The following SEMA3E variants were observed in gnomAD, a reference collection of about 807,000 sequenced individuals.
The protein encoded by SEMA3E is semaphorin 3E, also known as semaphorin-3E.
In SEMA3E, 49 loss-of-function variants were observed where a neutral mutation model predicts 93.6. The ratio of observed to expected loss-of-function variants is 0.52; its 90% CI spans 0.42 to 0.66. The LOEUF is 0.66. Among genes scored for constraint, SEMA3E ranks in the 30% least tolerant of loss-of-function variants. SEMA3E has a pLI of 0.00. For synonymous variants in SEMA3E, 363 were observed against 330.7 expected (o/e 1.10, Z -1.06); for missense variants, 906 against 964.8 (o/e 0.94, Z 0.81).
intron 1 of SEMA3E, among the ~76,000 whole-genome samples, chr7:83,632,962 C>G (rs908182008): frequency 2.0e-5 from 3 of 152,086 alleles, no homozygotes; most frequent in Non-Finnish European, 4.4e-5. Flanking sequence ...GGGCAGTAGT[C>G]ACTAAAATTC....
intron 2 of SEMA3E, among the ~76,000 whole-genome samples, chr7:83,487,682 C>CGTGTGTGTGTGTGTGT (rs71074667): frequency 1.2e-4 from 17 of 144,538 alleles, no homozygotes; most frequent in East Asian, 6.3e-4. Context: ...GGCAGGAGGT[C>CGTGTGTGTGTGTGTGT]GTGTGTGTGT....
chr7:83,455,432 T>C (rs183132285), intron 4 of SEMA3E, among the ~76,000 whole-genome samples: 1 of 152,344 alleles, frequency 6.6e-6, no homozygotes, highest in East Asian at 1.9e-4. Context: ...TCTGGGCCTA[T>C]GCCTTGCCTC....
intron 1 of SEMA3E, among the ~76,000 whole-genome samples, chr7:83,579,009 A>G (rs1365655014): frequency 6.6e-6 from 1 of 152,254 alleles, no homozygotes; most frequent in East Asian, 1.9e-4. Context: ...TCGATATTAT[A>G]GTATTTAATA....
intron 2 of SEMA3E, among the ~76,000 whole-genome samples, chr7:83,479,035 C>T (rs1259130401): frequency 6.6e-6 from 1 of 152,206 alleles, no homozygotes; most frequent in Non-Finnish European, 1.5e-5. Flanking sequence ...CCTGCATTGC[C>T]TAGAAGATTC....
intron 1 of SEMA3E, among the ~76,000 whole-genome samples, chr7:83,622,862 G>C (rs536159030): frequency 6.7e-6 from 1 of 150,020 alleles, no homozygotes. Flanking sequence ...GCATCAGGAA[G>C]AACAACTAAT....
chr7:83,523,162 C>A (rs1791083660), intron 1 of SEMA3E, among the ~76,000 whole-genome samples: 1 of 152,052 alleles, frequency 6.6e-6, no homozygotes, highest in Admixed American at 6.6e-5. Context: ...AGTGCAGGCA[C>A]ACACTATGCA....
chr7:83,644,226 C>T (rs920681449), intron 1 of SEMA3E, among the ~76,000 whole-genome samples: 1 of 151,278 alleles, frequency 6.6e-6, no homozygotes, highest in Non-Finnish European at 1.5e-5. Flanking sequence ...GGCCATGAAT[C>T]TTGGAAAATT....
chr7:83,386,264 G>T (rs1470119975), intron 15 of SEMA3E, among the ~76,000 whole-genome samples: 1 of 152,030 alleles, frequency 6.6e-6, no homozygotes, highest in Admixed American at 6.6e-5. Context: ...TGATGCTGGA[G>T]CACAGTCTCT....
chr7:83,519,581 T>G (rs1009414566), intron 1 of SEMA3E, among the ~76,000 whole-genome samples: 1 of 152,128 alleles, frequency 6.6e-6, no homozygotes, highest in Non-Finnish European at 1.5e-5. Context: ...CCTTCAAGAT[T>G]CATACCAAAC....
chr7:83,461,065 C>G (rs1474142859), intron 4 of SEMA3E, among the ~76,000 whole-genome samples: 1 of 152,110 alleles, frequency 6.6e-6, no homozygotes, highest in African/African-American at 2.4e-5. Context: ...ACAAACTGGA[C>G]AGTAGTTCCA....
At chr7:83,440,532 T>C (rs1562783793) in intron 4 of SEMA3E, among the ~76,000 whole-genome samples, 1 of 152,202 alleles carries the variant, frequency 6.6e-6, no homozygotes, top group East Asian at 1.9e-4. Context: ...ATTCAGAGAT[T>C]TTCAGAAACT....
intron 1 of SEMA3E, among the ~76,000 whole-genome samples, chr7:83,645,691 C>T (rs1246916435): frequency 6.7e-6 from 1 of 150,170 alleles, no homozygotes; most frequent in Non-Finnish European, 1.5e-5. Context: ...ATATTCCACA[C>T]CTCTTACTAC....
intron 2 of SEMA3E, among the ~76,000 whole-genome samples, chr7:83,477,919 A>C (rs186640242): frequency 8.4e-6 from 1 of 119,142 alleles, no homozygotes; most frequent in East Asian, 2.2e-4. Context: ...AAGTAATGTA[A>C]TTTTGGCTTT....
chr7:83,391,321 T>A (rs1370141831), intron 14 of SEMA3E, among the ~76,000 whole-genome samples: 2 of 152,140 alleles, frequency 1.3e-5, no homozygotes. Context: ...TTATCTACAA[T>A]TCCATTCTTC....
intron 2 of SEMA3E, among the ~76,000 whole-genome samples, chr7:83,488,855 G>T (rs927262506): frequency 6.6e-6 from 1 of 152,012 alleles, no homozygotes; most frequent in African/African-American, 2.4e-5. Flanking sequence ...ACATTGAGAG[G>T]AGTATAAAAA....
intron 1 of SEMA3E, among the ~76,000 whole-genome samples, chr7:83,610,413 A>G (rs1793226801): frequency 6.6e-6 from 1 of 152,092 alleles, no homozygotes; most frequent in East Asian, 1.9e-4. Context: ...TTTAATTCAT[A>G]TAGTTATTAA....
intron 2 of SEMA3E, among the ~76,000 whole-genome samples, chr7:83,487,692 T>TGA (rs1790294700): frequency 6.6e-6 from 1 of 150,578 alleles, no homozygotes; most frequent in African/African-American, 2.4e-5. Flanking sequence ...CGTGTGTGTG[T>TGA]GTGTGTGTGT....
chr7:83,384,843 T>C (rs1366701489), intron 16 of SEMA3E, among the ~76,000 whole-genome samples: 1 of 152,078 alleles, frequency 6.6e-6, no homozygotes, highest in Non-Finnish European at 1.5e-5. Flanking sequence ...TACAATGAGC[T>C]TAATGTTGTA....
intron 1 of SEMA3E, among the ~76,000 whole-genome samples, chr7:83,589,684 A>C (rs1792713667): frequency 6.6e-6 from 1 of 152,186 alleles, no homozygotes; most frequent in African/African-American, 2.4e-5. Flanking sequence ...TATGTAACTA[A>C]TATCAAAACT....
Sources: allele counts gnomAD v4.1 joint callset (sites outside exome capture counted in the v4.1 genomes callset), GRCh38; gene constraint gnomAD v4.1.1; transcripts MANE v1.5; gene names NCBI Gene and HGNC (gene_info 2026-07-23, HGNC 2026-07-21).